DBX2: variants seen among roughly 807,000 people sequenced by gnomAD.
The protein encoded by DBX2 is homeobox protein DBX2.
DBX2 carries 16 observed loss-of-function variants against 17.7 expected under a neutral mutation model. The ratio of observed to expected loss-of-function variants is 0.90; its 90% CI spans 0.61 to 1.37. DBX2 has a LOEUF of 1.37. DBX2 is among the 40% of genes most tolerant of loss of function. The probability of loss-of-function intolerance (pLI) is 0.00; values close to 1 mark genes in which losing one functional copy is unlikely to be tolerated. For synonymous variants in DBX2, 255 were observed against 183.8 expected (o/e 1.39, Z -3.13); for missense variants, 538 against 433.8 (o/e 1.24, Z -2.13).
chr12:45,022,048 T>C (rs932211753), intron 3 of DBX2, among the ~76,000 whole-genome samples: 1 of 152,280 alleles, frequency 6.6e-6, no homozygotes, highest in South Asian at 2.1e-4. Flanking sequence ...TACACAAAAC[T>C]GCTTTGTGAT....
intron 2 of DBX2, among the ~76,000 whole-genome samples, chr12:45,027,325 G>A (rs760077993): frequency 5.2e-4 from 79 of 152,328 alleles, no homozygotes; most frequent in Non-Finnish European, 7.5e-4. Flanking sequence ...CGTGTTCAGA[G>A]CAGTCAAGGT....
At chr12:45,023,662 T>G in intron 3 of DBX2, 45 bp downstream of exon 3, 1 of 1,610,852 alleles carries the variant, frequency 6.2e-7, no homozygotes, top group East Asian at 2.2e-5. Flanking sequence ...TCATCTGATC[T>G]CAGAAGAAAT....
chr12:45,019,362 A>G (rs1405507837), intron 3 of DBX2, among the ~76,000 whole-genome samples: 1 of 152,116 alleles, frequency 6.6e-6, no homozygotes, highest in Non-Finnish European at 1.5e-5. Flanking sequence ...TAAAACAAAT[A>G]AAAGCCCCTC....
rs112302424 is a variant in DBX2 at position 45,046,143 on chromosome 12, T to A, written c.403+4382A>T. ...GAGATATTGGTTCTAATAGTCTCTT[T>A]TATTTTATCCACTGCAAGAACTTCT... On this transcript the variant is annotated intron_variant, in intron 1 of 3. Coordinates refer to ENST00000332700, the MANE Select transcript of DBX2 (RefSeq NM_001004329.3). Among the ~76,000 whole-genome samples, 347 of 152,296 alleles carry A rather than the reference T, an allele frequency of 2.3e-3. 2 individuals are homozygous for A. The highest frequency in any genetic ancestry group is 3.6e-3 in the Non-Finnish European group (245 of 68,006).
chr12:45,035,975 T>G (rs1946437910), intron 2 of DBX2, 44 bp downstream of exon 2: 37 of 1,565,396 alleles, frequency 2.4e-5, no homozygotes, highest in Non-Finnish European at 3.1e-5. Context: ...CAGCTTTGGT[T>G]TACAGAATAA....
At chr12:45,042,651 C>G (rs73277028) in intron 1 of DBX2, among the ~76,000 whole-genome samples, 23,293 of 152,086 alleles carry the variant, frequency 0.15, 3,619 homozygotes, top group East Asian at 0.51. Context: ...AGGTTTTCCT[C>G]AATAGCTTGG....
In DBX2 at chr12:45,050,547, A is replaced by G. The variant is rs1219382760; in HGVS notation, c.381T>C (p.Cys127=). 6.4e-7 allele frequency: 1 copy of G among 1,552,820 alleles called. No individual in the cohort carries two copies. The highest frequency in any genetic ancestry group is 8.7e-7 in the Non-Finnish European group (1 of 1,149,204). Residue 127 remains cysteine (C), a synonymous_variant, in exon 1 of 4, where the codon TGT becomes TGC. Coordinates refer to ENST00000332700, the MANE Select transcript of DBX2 (RefSeq NM_001004329.3). The part of the protein sequence containing the change: ...LPGRAPGDRD[C]TFQPSAPAPS... ...CACCTGGCGCTGAAGGCTGGAAGGT[A>G]CAGTCTCGGTCCCCCGGAGCCCGGC...
chr12:45,031,158 T>C (rs1946406927), intron 2 of DBX2, among the ~76,000 whole-genome samples: 1 of 149,572 alleles, frequency 6.7e-6, no homozygotes, highest in Non-Finnish European at 1.5e-5. Context: ...GGCTTCTCTT[T>C]CATGAAGAGC....
At chr12:45,045,564 G>A (rs1309567272) in intron 1 of DBX2, among the ~76,000 whole-genome samples, 1 of 152,122 alleles carries the variant, frequency 6.6e-6, no homozygotes, top group Non-Finnish European at 1.5e-5. Flanking sequence ...ACAGGAAAAA[G>A]ACATCTGGTG....
At position 45,050,988 on chromosome 12, in the gene DBX2, C is replaced by G. The variant is rs1185563646; in HGVS notation, c.-61G>C. 1.5e-6 allele frequency: 2 copies of G among 1,337,254 alleles called. No homozygotes were observed. The highest frequency in any genetic ancestry group is 1.9e-6 in the Non-Finnish European group (2 of 1,048,166). 82.8% of individuals were successfully genotyped at this position (1,337,254 alleles called of 1,614,324 possible). A position where few individuals can be genotyped will look rare whatever the true frequency, so the allele number is the denominator to read the frequency against. Reference sequence around the variant, plus strand: ...TGCGCCCGCCTGTCGCCCGGGCGCCCCGCACCGCACCCAGAGCCGCAGCTT... The same window carrying G: ...TGCGCCCGCCTGTCGCCCGGGCGCCGCGCACCGCACCCAGAGCCGCAGCTT... On this transcript the variant is annotated 5_prime_UTR_variant, in exon 1 of 4. Transcript: ENST00000332700.
intron 1 of DBX2, among the ~76,000 whole-genome samples, chr12:45,047,860 T>A (rs1946508425): frequency 6.6e-6 from 1 of 152,122 alleles, no homozygotes; most frequent in Non-Finnish European, 1.5e-5. Flanking sequence ...AATGAGCAAA[T>A]GAAATAGTCA....
chr12:45,043,863 G>A (rs960966180), intron 1 of DBX2, among the ~76,000 whole-genome samples: 2 of 152,182 alleles, frequency 1.3e-5, no homozygotes, highest in Non-Finnish European at 2.9e-5. Context: ...GTGCGCTTTT[G>A]AGGTATGTGC....
chr12:45,038,088 T>C (rs1946450052), intron 1 of DBX2, among the ~76,000 whole-genome samples: 1 of 152,090 alleles, frequency 6.6e-6, no homozygotes, highest in African/African-American at 2.4e-5. Flanking sequence ...TCTTAAAGTA[T>C]GTTACAAGAG....
intron 1 of DBX2, among the ~76,000 whole-genome samples, chr12:45,049,935 C>A (rs985618296): frequency 6.6e-6 from 1 of 152,174 alleles, no homozygotes; most frequent in African/African-American, 2.4e-5. Flanking sequence ...AATAAAAAGT[C>A]GGCCTTCATT....
At chr12:45,034,835 A>G (rs984904749) in intron 2 of DBX2, among the ~76,000 whole-genome samples, 2 of 152,238 alleles carry the variant, frequency 1.3e-5, no homozygotes, top group South Asian at 4.1e-4. Context: ...CTTTATGACC[A>G]TACAAAAGGG....
Position 45,016,368 on chromosome 12 carries a change from T to G in DBX2, c.938A>C (p.Glu313Ala), listed in dbSNP as rs754567701. ...TAAGGCACCTTGCAGTGAATTTGCTTCTGGGGGTGGTGCCCCTGAACTCTC... is the reference window on the plus strand; with the variant it reads ...TAAGGCACCTTGCAGTGAATTTGCTGCTGGGGGTGGTGCCCCTGAACTCTC... ...IQESSGAPPPEANSLQGALYL... is the reference protein window; with the variant it reads ...IQESSGAPPPAANSLQGALYL... The change falls in exon 4 of 4, where the codon GAA becomes GCA. Residue 313 changes from glutamate (E) to alanine (A), a missense_variant. Physicochemically the swap from Glu to Ala is moderately radical, Grantham distance 107. Coordinates refer to ENST00000332700, the MANE Select transcript of DBX2 (RefSeq NM_001004329.3). 1 of 1,613,446 alleles carries G rather than the reference T, an allele frequency of 6.2e-7. No homozygotes were observed. Among genetic ancestry groups the G allele is most frequent in the East Asian group, 2.2e-5 (1 of 44,864 alleles).
intron 1 of DBX2, among the ~76,000 whole-genome samples, chr12:45,047,139 G>C (rs944821241): frequency 6.6e-6 from 1 of 152,090 alleles, no homozygotes; most frequent in Non-Finnish European, 1.5e-5. Flanking sequence ...CTGTAGCCAG[G>C]AGAATTTAAA....
Position 45,023,774 on chromosome 12 carries a change from T to C in DBX2, c.620A>G (p.Lys207Arg). 1 of 1,614,150 alleles carries C rather than the reference T, an allele frequency of 6.2e-7. No individual in the cohort carries two copies. The highest frequency in any genetic ancestry group is 8.5e-7 in the Non-Finnish European group (1 of 1,180,020). Residue 207 changes from lysine (K) to arginine (R), a missense_variant, in exon 3 of 4, where the codon AAA (lysine) becomes AGA (arginine). Physicochemically the swap from Lys to Arg is conservative, Grantham distance 26 (BLOSUM62 2). Coordinates refer to ENST00000332700, the MANE Select transcript of DBX2 (RefSeq NM_001004329.3). The part of the protein sequence containing the change: ...QRKALEKMFQ[K>R]QKYISKTDRK... ...GTCTGTTTTGCTGATATATTTCTGT[T>C]TCTGAAACATTTTCTCCAGAGCCTT...
chr12:45,038,066 T>C (rs1404394748), intron 1 of DBX2, among the ~76,000 whole-genome samples: 2 of 152,062 alleles, frequency 1.3e-5, no homozygotes, highest in Non-Finnish European at 2.9e-5. Flanking sequence ...ATCATTTCAT[T>C]TGAATTTTAC....
Sources: allele counts gnomAD v4.1 joint callset (sites outside exome capture counted in the v4.1 genomes callset), GRCh38; gene constraint gnomAD v4.1.1; transcripts MANE v1.5; gene names NCBI Gene and HGNC (gene_info 2026-07-23, HGNC 2026-07-21).